Variants in KCNH8 observed in about 807,000 individuals in gnomAD.
KCNH8 encodes the protein potassium voltage-gated channel subfamily H member 8.
KCNH8 carries 70 observed loss-of-function variants against 103.6 expected under a neutral mutation model. The observed-to-expected ratio is 0.68, with a 90% CI of 0.56 to 0.82. The LOEUF is 0.82. Among genes scored for constraint, KCNH8 ranks in the 40% least tolerant of loss-of-function variants. The pLI is 0.00. For synonymous variants in KCNH8, 498 were observed against 489.4 expected, an observed-to-expected ratio of 1.02 and a Z score of -0.23; for missense variants, 1,217 against 1,329.9, an observed-to-expected ratio of 0.92 and a Z score of 1.32.
At chr3:19,361,355 T>C (rs1008467683) in intron 5 of KCNH8, among the ~76,000 whole-genome samples, 4 of 152,132 alleles carry the variant, frequency 2.6e-5, no homozygotes, top group South Asian at 2.1e-4. Flanking sequence ...GGCTATCACA[T>C]TGGGTAGATT....
At chr3:19,318,815 A>G (rs2065311739) in intron 3 of KCNH8, among the ~76,000 whole-genome samples, 2 of 151,474 alleles carry the variant, frequency 1.3e-5, no homozygotes, top group South Asian at 4.2e-4. Flanking sequence ...GCCAACGTCT[A>G]TTACTTTATG....
intron 7 of KCNH8, among the ~76,000 whole-genome samples, chr3:19,397,748 C>T (rs900039189): frequency 1.3e-5 from 2 of 151,762 alleles, no homozygotes; most frequent in African/African-American, 4.8e-5. Context: ...TGGGATATGA[C>T]TAGCAAGAGA....
intron 14 of KCNH8, among the ~76,000 whole-genome samples, chr3:19,517,727 G>T (rs2068899229): frequency 6.6e-6 from 1 of 151,932 alleles, no homozygotes; most frequent in Non-Finnish European, 1.5e-5. Context: ...ACGTGGTGGT[G>T]ACTGTACTCG....
chr3:19,375,771 C>T (rs2066185542), intron 5 of KCNH8, among the ~76,000 whole-genome samples: 1 of 151,206 alleles, frequency 6.6e-6, no homozygotes, highest in Non-Finnish European at 1.5e-5. Context: ...TGGTGATGTA[C>T]AGATGGGTTT....
At chr3:19,502,341 T>C (rs1455175034) in intron 11 of KCNH8, among the ~76,000 whole-genome samples, 3 of 150,416 alleles carry the variant, frequency 2.0e-5, no homozygotes, top group East Asian at 2.0e-4. Context: ...AAAATGGCCA[T>C]ACTGCCCAAG....
chr3:19,424,683 A>G (rs2067000854), intron 7 of KCNH8, among the ~76,000 whole-genome samples: 2 of 152,112 alleles, frequency 1.3e-5, no homozygotes, highest in African/African-American at 2.4e-5. Context: ...GAGAGAAAAC[A>G]TTCTCTAACT....
rs1203187214 is a variant in KCNH8, at chr3:19,534,103, T to C, written c.*4T>C. On this transcript the variant is annotated 3_prime_UTR_variant, in exon 16 of 16. Transcript: ENST00000328405. Reference sequence around the variant, plus strand: ...TAACAAAGCCATAAATGTATGATATTAGTGCCCATGATGCAGCAGCTAATT... The same window carrying C: ...TAACAAAGCCATAAATGTATGATATCAGTGCCCATGATGCAGCAGCTAATT... 4 of 1,602,320 alleles carry C rather than the reference T, an allele frequency of 2.5e-6. No homozygotes were observed. The highest frequency in any genetic ancestry group is 1.7e-4 in the Middle Eastern group (1 of 6,024).
chr3:19,217,671 A>T (rs968278886), intron 1 of KCNH8, among the ~76,000 whole-genome samples: 4 of 152,190 alleles, frequency 2.6e-5, no homozygotes, highest in African/African-American at 9.6e-5. Context: ...TCTCGTAGGT[A>T]TTAAGCTGTC....
chr3:19,436,799 A>G (rs2067206370), intron 7 of KCNH8, among the ~76,000 whole-genome samples: 1 of 152,184 alleles, frequency 6.6e-6, no homozygotes, highest in African/African-American at 2.4e-5. Flanking sequence ...TTTTTATCCT[A>G]TTTTATTAAG....
chr3:19,204,187 T>C (rs890464511), intron 1 of KCNH8, among the ~76,000 whole-genome samples: 5 of 152,092 alleles, frequency 3.3e-5, no homozygotes, highest in Admixed American at 2.6e-4. Context: ...AACTTGATTC[T>C]ACCGGCAACT....
intron 5 of KCNH8, among the ~76,000 whole-genome samples, chr3:19,357,409 T>C (rs760999990): frequency 1.3e-5 from 2 of 151,940 alleles, no homozygotes; most frequent in Non-Finnish European, 2.9e-5. Flanking sequence ...TTTTGGATGA[T>C]ATAAAATGTT....
At chr3:19,529,360 A>G (rs1352858251) in intron 15 of KCNH8, among the ~76,000 whole-genome samples, 2 of 152,108 alleles carry the variant, frequency 1.3e-5, no homozygotes, top group Admixed American at 6.6e-5. Context: ...TTTTAATTAT[A>G]CTTTTAAGTT....
Position 19,518,066 on chromosome 3 carries a change from A to C in KCNH8, c.2611A>C (p.Asn871His), listed in dbSNP as rs2068906087. 19 of 1,611,380 alleles carry C rather than the reference A, an allele frequency of 1.2e-5. No homozygotes were observed. The highest frequency in any genetic ancestry group is 1.6e-5 in the Non-Finnish European group (19 of 1,178,130). The change falls in exon 15 of 16, where the codon AAC becomes CAC. Residue 871 changes from asparagine to histidine, a missense_variant. Asn to His is a moderately conservative substitution (Grantham distance 68, BLOSUM62 1). Around this residue, in one of 3 missense-constraint regions of KCNH8, gnomAD observed 558 missense variants for 495.8 expected, o/e 1.13. Transcript: ENST00000328405. ...GACCAAGCAGCAGATAAACAAACTC[A>C]ACAGTGAGGTATGGAGCTCTTTCTT... ...EETKQQINKLNSEVTTLTQEV... is the reference protein window; with the variant it reads ...EETKQQINKLHSEVTTLTQEV...
chr3:19,362,421 T>C (rs918691798), intron 5 of KCNH8, among the ~76,000 whole-genome samples: 6 of 152,108 alleles, frequency 3.9e-5, no homozygotes, highest in Non-Finnish European at 8.8e-5. Context: ...CAGATTCATC[T>C]CAGCTTCAAC....
intron 3 of KCNH8, among the ~76,000 whole-genome samples, chr3:19,340,853 A>G (rs2065650267): frequency 2.0e-5 from 3 of 152,176 alleles, no homozygotes; most frequent in Admixed American, 2.0e-4. Context: ...TCTTGGAGGA[A>G]ATAATTCAGC....
At position 19,466,787 on chromosome 3, in the gene KCNH8, G is replaced by A. The variant is rs35912271; in HGVS notation, c.2040+9805G>A. ...AGCGATTCTCCTGCCTCAGCCTCCC[G>A]AGTAGCTGGGATTACAGGCATGTGC... is the stretch of plus-strand genomic sequence containing the variant. On this transcript the variant is annotated intron_variant, in intron 11 of 15. Transcript: ENST00000328405. 2.2e-4 allele frequency among the ~76,000 whole-genome samples: 33 copies of A among 148,706 alleles called. 1 individual carries two copies. The highest frequency in any genetic ancestry group is 7.0e-3 in the Middle Eastern group (2 of 286).
chr3:19,364,536 T>G (rs1383626703), intron 5 of KCNH8, among the ~76,000 whole-genome samples: 1 of 152,108 alleles, frequency 6.6e-6, no homozygotes, highest in Admixed American at 6.6e-5. Flanking sequence ...TGGCCAGCTA[T>G]TTTTTGGTGA....
intron 11 of KCNH8, among the ~76,000 whole-genome samples, chr3:19,490,957 G>T (rs974836141): frequency 6.6e-6 from 1 of 152,026 alleles, no homozygotes; most frequent in African/African-American, 2.4e-5. Flanking sequence ...GACAGTCTGT[G>T]GTCACTTCTA....
intron 2 of KCNH8, among the ~76,000 whole-genome samples, chr3:19,276,124 G>A (rs1223990225): frequency 6.6e-6 from 1 of 151,416 alleles, no homozygotes; most frequent in Non-Finnish European, 1.5e-5. Context: ...ATTCATAGCA[G>A]CCTTGTTTAC....
Sources: gnomAD v4.1 joint callset for allele counts (sites outside exome capture counted in the v4.1 genomes callset) on GRCh38, gnomAD v4.1.1 for gene constraint, gnomAD v4.1.1 regional missense constraint, MANE v1.5 for transcripts, NCBI Gene and HGNC (gene_info 2026-07-23, HGNC 2026-07-21) for gene names.